Variants in NPHS2 observed in about 807,000 individuals in gnomAD.
The protein encoded by NPHS2 is NPHS2 stomatin family member, podocin, also known as podocin.
Under a neutral mutation model 37.1 loss-of-function variants are expected in NPHS2, and 36 were observed. That is an observed-to-expected ratio of 0.97 (90% CI 0.74 to 1.28). The LOEUF (loss-of-function observed/expected upper bound fraction) is 1.28, where lower values mean the gene tolerates loss of function less well. Among genes scored for constraint, NPHS2 ranks in the 50% most tolerant of loss-of-function variants. The probability of loss-of-function intolerance (pLI) is 0.00; values close to 1 mark genes in which losing one functional copy is unlikely to be tolerated. For synonymous variants in NPHS2, 196 were observed against 189.3 expected (o/e 1.04, Z -0.29); for missense variants, 447 against 488.1 (o/e 0.92, Z 0.79).
chr1:179,571,483 C>T (rs1342315537), intron 1 of NPHS2, among the ~76,000 whole-genome samples: 1 of 152,166 alleles, frequency 6.6e-6, no homozygotes, highest in East Asian at 1.9e-4. Context: ...TGTCTGTTGG[C>T]CCCTACTGGG....
chr1:179,554,745 G>A, intron 5 of NPHS2: 2 of 643,594 alleles, frequency 3.1e-6, no homozygotes, highest in Non-Finnish European at 5.5e-6. Flanking sequence ...AGATGGTGTG[G>A]TATGCTGAAT....
chr1:179,574,403 A>G (rs893061649), intron 1 of NPHS2, among the ~76,000 whole-genome samples: 2 of 152,208 alleles, frequency 1.3e-5, no homozygotes, highest in African/African-American at 4.8e-5. Context: ...TAAAACACCC[A>G]GTGTGTGCCT....
chr1:179,575,909 G>C lies in NPHS2; in HGVS notation c.-45C>G, dbSNP rs992748317. ...CTGGAGCAGCAGCGCGGGAGCGCTA[G>C]GGGCACGGGAGCGCAGTCCCTGTGG... On this transcript the variant is annotated 5_prime_UTR_variant, in exon 1 of 8. Coordinates refer to ENST00000367615, the MANE Select transcript of NPHS2 (RefSeq NM_014625.4). The C allele has an allele frequency of 1.5e-6, 2 of 1,366,090 alleles. No individual in the cohort carries two copies. The highest frequency in any genetic ancestry group is 1.9e-6 in the Non-Finnish European group (2 of 1,067,628). 84.6% of individuals were successfully genotyped at this position (1,366,090 alleles called of 1,614,324 possible). A position where few individuals can be genotyped will look rare whatever the true frequency, so the allele number is the denominator to read the frequency against.
chr1:179,569,070 C>T (rs926941134), intron 1 of NPHS2, among the ~76,000 whole-genome samples: 1 of 152,098 alleles, frequency 6.6e-6, no homozygotes, highest in African/African-American at 2.4e-5. Context: ...ATTAGGTCTG[C>T]TTGTTGCAGA....
At chr1:179,574,970 C>G (rs955990669) in intron 1 of NPHS2, among the ~76,000 whole-genome samples, 3 of 152,124 alleles carry the variant, frequency 2.0e-5, no homozygotes, top group African/African-American at 7.2e-5. Context: ...CTTTGGATGC[C>G]TTTTCTCATT....
rs200437667 is a variant in NPHS2, at chr1:179,561,325, G to T, written c.415C>A (p.Leu139Met). ...QEYERVIIFR[L>M]GHLLPGRAKG... Reference sequence around the variant, plus strand: ...GCTCTTCCAGGAAGCAGATGTCCCAGTCGGAATATAATTACTCTTTCATAC... The same window carrying T: ...GCTCTTCCAGGAAGCAGATGTCCCATTCGGAATATAATTACTCTTTCATAC... The change falls in exon 3 of 8, where the codon CTG becomes ATG. Residue 139 changes from leucine to methionine, a missense_variant. Leu to Met is a conservative substitution (Grantham distance 15). Transcript: ENST00000367615. 29 of 1,613,370 alleles carry T rather than the reference G, an allele frequency of 1.8e-5. No homozygotes were observed. In the East Asian group the frequency reaches 5.8e-4, roughly 32 times the overall value.
At chr1:179,558,984 C>T (rs1039759687) in intron 4 of NPHS2, among the ~76,000 whole-genome samples, 1 of 152,052 alleles carries the variant, frequency 6.6e-6, no homozygotes, top group African/African-American at 2.4e-5. Flanking sequence ...TAGGTTTCAT[C>T]ATACATATAT....
chr1:179,574,196 C>T lies in NPHS2; in HGVS notation c.274+1395G>A, dbSNP rs374224478. On this transcript the variant is annotated intron_variant, in intron 1 of 7. Coordinates refer to ENST00000367615, the MANE Select transcript of NPHS2 (RefSeq NM_014625.4). Reference sequence around the variant, plus strand: ...TAGGGACTGAGGCCCAAAAAGGTGCCCAAGGCCACAGCTATAGGACCATGA... The same window carrying T: ...TAGGGACTGAGGCCCAAAAAGGTGCTCAAGGCCACAGCTATAGGACCATGA... 1.8e-4 allele frequency among the ~76,000 whole-genome samples: 28 copies of T among 152,194 alleles called. No homozygotes were observed. In the South Asian group the frequency reaches 5.6e-3, roughly 30 times the overall value.
chr1:179,550,561 G>A lies in NPHS2; in HGVS notation c.*612C>T, dbSNP rs1211634229. 2.0e-5 allele frequency: 3 copies of A among 152,426 alleles called. No homozygotes were observed. The highest frequency in any genetic ancestry group is 7.2e-5 in the African/African-American group (3 of 41,414). 9.4% of individuals were successfully genotyped at this position (152,426 alleles called of 1,614,324 possible). On this transcript the variant is annotated 3_prime_UTR_variant, in exon 8 of 8. Coordinates refer to ENST00000367615, the MANE Select transcript of NPHS2 (RefSeq NM_014625.4). ...GAATTCCTTTTAAATGCTTTAATTA[G>A]GGATAAATTGTATATCCGACTCCAA... is the stretch of plus-strand genomic sequence containing the variant.
chr1:179,553,157 C>G (rs1673567905), intron 6 of NPHS2, among the ~76,000 whole-genome samples: 1 of 152,156 alleles, frequency 6.6e-6, no homozygotes. Context: ...TCTTTTGACC[C>G]TGATTATAAC....
At chr1:179,575,464 G>T in intron 1 of NPHS2, 127 bp downstream of exon 1, 1 of 1,318,326 alleles carries the variant, frequency 7.6e-7, no homozygotes, top group East Asian at 2.4e-5. Flanking sequence ...TTCCGTTCCT[G>T]GGAACCTGAG....
At chr1:179,552,534 A>G in intron 7 of NPHS2, 69 bp downstream of exon 7, 2 of 1,236,206 alleles carry the variant, frequency 1.6e-6, no homozygotes, top group African/African-American at 2.9e-5. Flanking sequence ...GTAAGGAAGC[A>G]AAGGGGAAAT....
intron 1 of NPHS2, among the ~76,000 whole-genome samples, chr1:179,568,994 A>G (rs1178307322): frequency 6.6e-6 from 1 of 152,044 alleles, no homozygotes; most frequent in African/African-American, 2.4e-5. Flanking sequence ...TTTAGAATAA[A>G]TATGATGTGG....
chr1:179,570,115 C>G (rs921155592), intron 1 of NPHS2, among the ~76,000 whole-genome samples: 1 of 152,154 alleles, frequency 6.6e-6, no homozygotes, highest in Non-Finnish European at 1.5e-5. Context: ...GGAAGTTCTC[C>G]TGGATAATAT....
chr1:179,554,946 G>A (rs1458319602), intron 5 of NPHS2, among the ~76,000 whole-genome samples: 3 of 152,160 alleles, frequency 2.0e-5, no homozygotes, highest in African/African-American at 7.2e-5. Flanking sequence ...GACTACAGAA[G>A]AAGAGAAGGT....
rs1399287405 is a variant in NPHS2, at chr1:179,551,030, T to G, written c.*143A>C. The stretch of plus-strand genomic sequence containing the variant: ...CATCATTTCACCGTCTTCTCATGGA[T>G]GGTGCATTGTGACTTCGTGCATTCC... On this transcript the variant is annotated 3_prime_UTR_variant, in exon 8 of 8. Transcript: ENST00000367615. 5.5e-6 allele frequency: 5 copies of G among 915,542 alleles called. No individual in the cohort carries two copies. Among genetic ancestry groups the G allele is most frequent in the Non-Finnish European group, 8.6e-6 (5 of 581,880 alleles). The allele number at this position is 915,542 out of a possible 1,614,324, so 56.7% of individuals were successfully genotyped here.
chr1:179,561,920 C>T (rs1169044618), intron 2 of NPHS2, among the ~76,000 whole-genome samples: 1 of 152,132 alleles, frequency 6.6e-6, no homozygotes, highest in African/African-American at 2.4e-5. Context: ...ATTCTCCTGC[C>T]TCAGCCTCCC....
Position 179,569,929 on chromosome 1 carries a change from C to CT in NPHS2, c.275-5137dup, listed in dbSNP as rs529530262. Reference sequence around the variant, plus strand: ...AGAGATCCACTGTTAGTCTAATGGGCTTCCTTTTGTGGGTAACTCGACCTT... The same window carrying CT: ...AGAGATCCACTGTTAGTCTAATGGGCTTTCCTTTTGTGGGTAACTCGACCTT... On this transcript the variant is annotated intron_variant, in intron 1 of 7. Coordinates refer to ENST00000367615, the MANE Select transcript of NPHS2 (RefSeq NM_014625.4). Among the ~76,000 whole-genome samples the CT allele has an allele frequency of 4.6e-5, 7 of 152,316 alleles. No individual in the cohort carries two copies. In the South Asian group the frequency reaches 8.3e-4, roughly 18 times the overall value.
At chr1:179,555,627 C>T (rs1673886825) in intron 5 of NPHS2, among the ~76,000 whole-genome samples, 1 of 152,126 alleles carries the variant, frequency 6.6e-6, no homozygotes, top group Admixed American at 6.6e-5. Context: ...GAATAGGTGG[C>T]ATCTTAAAGG....
Sources: allele counts gnomAD v4.1 joint callset (sites outside exome capture counted in the v4.1 genomes callset), GRCh38; gene constraint gnomAD v4.1.1; transcripts MANE v1.5; gene names NCBI Gene and HGNC (gene_info 2026-07-23, HGNC 2026-07-21).